Variants in KCNQ1 observed in about 807,000 individuals in gnomAD.
KCNQ1 encodes the protein potassium voltage-gated channel subfamily Q member 1.
In KCNQ1, 49 loss-of-function variants were observed where a neutral mutation model predicts 72.4. The observed-to-expected ratio is 0.68, with a 90% CI of 0.54 to 0.86. The LOEUF (loss-of-function observed/expected upper bound fraction) is 0.86. Among genes scored for constraint, KCNQ1 ranks in the 40% least tolerant of loss-of-function variants. KCNQ1 has a pLI of 0.00. For missense variants in KCNQ1, 790 were observed against 945.1 expected, an observed-to-expected ratio of 0.84 and a Z score of 2.15; for synonymous variants, 450 against 412.6, an observed-to-expected ratio of 1.09 and a Z score of -1.10.
At chr11:2,700,660 C>A (rs1191467172) in intron 11 of KCNQ1, among the ~76,000 whole-genome samples, 1 of 152,112 alleles carries the variant, frequency 6.6e-6, no homozygotes, top group Admixed American at 6.5e-5. Flanking sequence ...GACTTGGGAC[C>A]TCAGGGGGTG....
At chr11:2,758,609 A>G (rs1019786801) in intron 11 of KCNQ1, among the ~76,000 whole-genome samples, 5 of 152,356 alleles carry the variant, frequency 3.3e-5, no homozygotes, top group Middle Eastern at 3.4e-3. Flanking sequence ...CTAAATGAAA[A>G]TTTATAGAAG....
At chr11:2,774,861 C>T (rs1422405803) in intron 12 of KCNQ1, among the ~76,000 whole-genome samples, 2 of 152,164 alleles carry the variant, frequency 1.3e-5, no homozygotes, top group African/African-American at 2.4e-5. Flanking sequence ...GGGCCCTCAA[C>T]GGTACCTGAG....
rs1306745459 is a variant in KCNQ1, at chr11:2,509,367, C to A, written c.387-18561C>A. On this transcript the variant is annotated intron_variant, in intron 1 of 15. Transcript: ENST00000155840. The surrounding 1 kb of genome is among the most constrained non-coding windows in gnomAD (Gnocchi z 6.3). ...CAGCATCTCTGCACCCCTTGCCTGG[C>A]AAACCCCATCTTCCTGTCCAAAGCC... 6.6e-6 allele frequency among the ~76,000 whole-genome samples: 1 copy of A among 152,208 alleles called. No homozygotes were observed. The highest frequency in any genetic ancestry group is 2.4e-5 in the African/African-American group (1 of 41,446).
In KCNQ1 at chr11:2,661,552, G is replaced by A; in HGVS notation, c.1394-409G>A. The A allele has an allele frequency of 1.9e-6, 1 of 534,552 alleles. No homozygotes were observed. Among genetic ancestry groups the A allele is most frequent in the Non-Finnish European group, 3.3e-6 (1 of 301,916 alleles). The allele number at this position is 534,552 out of a possible 1,614,324, so 33.1% of individuals were successfully genotyped here. On this transcript the variant is annotated intron_variant, in intron 10 of 15. Transcript: ENST00000155840. This position sits in a 1 kb window ranked among gnomAD's most constrained non-coding sequence, Gnocchi z 5.9. ...TTTCCTGACCCACTACTCTGTCAAT[G>A]TATGAGTGTGACAATGTATGGTGGT...
Position 2,653,008 on chromosome 11 carries a change from A to G in KCNQ1, c.1394-8953A>G, listed in dbSNP as rs891428020. On this transcript the variant is annotated intron_variant, in intron 10 of 15. Coordinates refer to ENST00000155840, the MANE Select transcript of KCNQ1 (RefSeq NM_000218.3). This position sits in a 1 kb window ranked among gnomAD's most constrained non-coding sequence, Gnocchi z 5.3. ...CACATCACTGTCATGCTTGAGGCAA[A>G]TCTATTCTGCACACCTTTGATCCAA... 1 of 398,606 alleles carries G rather than the reference A, an allele frequency of 2.5e-6. No homozygotes were observed. The highest frequency in any genetic ancestry group is 4.4e-6 in the Non-Finnish European group (1 of 226,062). 24.7% of individuals were successfully genotyped at this position (398,606 alleles called of 1,614,324 possible). A position where few individuals can be genotyped will look rare whatever the true frequency, so the allele number is the denominator to read the frequency against.
At chr11:2,792,877 C>A (rs1847056848) in intron 15 of KCNQ1, among the ~76,000 whole-genome samples, 3 of 151,812 alleles carry the variant, frequency 2.0e-5, no homozygotes, top group South Asian at 4.1e-4. Flanking sequence ...GCACGCAGCC[C>A]CCTGCCCCTC....
In KCNQ1 at chr11:2,664,989, G is replaced by C. The variant is rs1388371413; in HGVS notation, c.1514+2908G>C. Reference sequence around the variant, plus strand: ...GGGAAGGTCCCTGGGGCTGGGCGAAGCTCCTCTTTCCGGGGCCTGTTAGCC... The same window carrying C: ...GGGAAGGTCCCTGGGGCTGGGCGAACCTCCTCTTTCCGGGGCCTGTTAGCC... On this transcript the variant is annotated intron_variant, in intron 11 of 15. Transcript: ENST00000155840. This position sits in a 1 kb window ranked among gnomAD's most constrained non-coding sequence, Gnocchi z 5.1. 2.5e-6 allele frequency: 1 copy of C among 398,698 alleles called. No homozygotes were observed. The highest frequency in any genetic ancestry group is 4.4e-6 in the Non-Finnish European group (1 of 226,156). The allele number at this position is 398,698 out of a possible 1,614,324, so 24.7% of individuals were successfully genotyped here.
At chr11:2,700,494 G>T (rs1358942331) in intron 11 of KCNQ1, among the ~76,000 whole-genome samples, 4 of 152,142 alleles carry the variant, frequency 2.6e-5, no homozygotes, top group Admixed American at 2.6e-4. Flanking sequence ...CGGCGCCGCT[G>T]CAGCGACCCT....
In KCNQ1 at chr11:2,565,722, G is replaced by A. The variant is rs190476881; in HGVS notation, c.478-4906G>A. On this transcript the variant is annotated intron_variant, in intron 2 of 15. Transcript: ENST00000155840. This position sits in a 1 kb window ranked among gnomAD's most constrained non-coding sequence, Gnocchi z 5.6. ...AGCATACAGTCGAACGAGTGGGTCC[G>A]ATGTGGAGTGCAGTGGCATCAGCCA... 1.3e-4 allele frequency among the ~76,000 whole-genome samples: 20 copies of A among 152,322 alleles called. No homozygotes were observed. In the East Asian group the frequency reaches 2.3e-3, roughly 18 times the overall value.
rs998618891 is a variant in KCNQ1, at chr11:2,818,988, G to C, written c.1795-28779G>C. Among the ~76,000 whole-genome samples the C allele has an allele frequency of 2.6e-5, 4 of 152,154 alleles. No individual in the cohort carries two copies. Among genetic ancestry groups the C allele is most frequent in the Admixed American group, 2.0e-4 (3 of 15,280 alleles). Reference sequence around the variant, plus strand: ...CCACAGGACCCACATCCTGCTCCCAGCTCCAGCCTGAAAGGAGCTAGTCCT... The same window carrying C: ...CCACAGGACCCACATCCTGCTCCCACCTCCAGCCTGAAAGGAGCTAGTCCT... On this transcript the variant is annotated intron_variant, in intron 15 of 15. Coordinates refer to ENST00000155840, the MANE Select transcript of KCNQ1 (RefSeq NM_000218.3). This position sits in a 1 kb window ranked among gnomAD's most constrained non-coding sequence, Gnocchi z 7.2.
chr11:2,585,921 C>T (rs1308752991), intron 8 of KCNQ1, among the ~76,000 whole-genome samples: 2 of 152,200 alleles, frequency 1.3e-5, no homozygotes, highest in Non-Finnish European at 2.9e-5. Context: ...CTGGCTCTGT[C>T]ACTCCAGGCT....
At position 2,593,978 on chromosome 11, in the gene KCNQ1, C is replaced by T. The variant is rs1237336181; in HGVS notation, c.1393+5124C>T. Among the ~76,000 whole-genome samples, 2 of 152,176 alleles carry T rather than the reference C, an allele frequency of 1.3e-5. No homozygotes were observed. Among genetic ancestry groups the T allele is most frequent in the African/African-American group, 4.8e-5 (2 of 41,444 alleles). ...TACTGCCTCCTGCCGTTTCCTGGGC[C>T]TTTGTTGCCCAGTATTTTGGTTTTG... On this transcript the variant is annotated intron_variant, in intron 10 of 15. Transcript: ENST00000155840. The surrounding 1 kb of genome is among the most constrained non-coding windows in gnomAD (Gnocchi z 6.9).
Position 2,663,268 on chromosome 11 carries a change from C to T in KCNQ1, c.1514+1187C>T, listed in dbSNP as rs1334397907. On this transcript the variant is annotated intron_variant, in intron 11 of 15. Transcript: ENST00000155840. The surrounding 1 kb of genome is among the most constrained non-coding windows in gnomAD (Gnocchi z 5.2). ...AAGCAGGGGTGACTAGTCATGGACA[C>T]CCTGAGAATAGGGCTCTGAGCTTCT... The T allele has an allele frequency of 2.5e-6, 1 of 398,540 alleles. No homozygotes were observed. Among genetic ancestry groups the T allele is most frequent in the Non-Finnish European group, 4.4e-6 (1 of 226,150 alleles). 24.7% of individuals were successfully genotyped at this position (398,540 alleles called of 1,614,324 possible).
chr11:2,844,512 A>G (rs545634703), intron 15 of KCNQ1, among the ~76,000 whole-genome samples: 1 of 152,318 alleles, frequency 6.6e-6, no homozygotes, highest in East Asian at 1.9e-4. Context: ...GGAGCCCTTC[A>G]GTGTCCGTCG....
At chr11:2,456,509 A>C (rs1846192156) in intron 1 of KCNQ1, among the ~76,000 whole-genome samples, 1 of 152,198 alleles carries the variant, frequency 6.6e-6, no homozygotes, top group Admixed American at 6.5e-5. Context: ...CCAAGGGAAT[A>C]AACAGATAAC....
Position 2,768,917 on chromosome 11 carries a change from C to T in KCNQ1, c.1588C>T (p.Gln530Ter), listed in dbSNP as rs397508097. 55 of 1,613,094 alleles carry T rather than the reference C, an allele frequency of 3.4e-5. No individual in the cohort carries two copies. The highest frequency in any genetic ancestry group is 4.5e-5 in the Non-Finnish European group (53 of 1,179,328). ...GTACTTTGTGGCCAAGAAGAAATTC[C>T]AGGTAAGCCCTGTGCTGAGCCTTCC... ...MQYFVAKKKF[Q>*]QARKPYDVRD... The change falls in exon 12 of 16, where the codon CAG becomes TAG. Residue 530 changes from glutamine (Q) to a stop codon, truncating the protein, a stop_gained and splice_region_variant. Transcript: ENST00000155840. LOFTEE classifies it high-confidence loss of function. This position sits in a 1 kb window ranked among gnomAD's most constrained non-coding sequence, Gnocchi z 6.7.
intron 2 of KCNQ1, among the ~76,000 whole-genome samples, chr11:2,558,153 G>A (rs188081602): frequency 6.6e-6 from 1 of 152,250 alleles, no homozygotes; most frequent in African/African-American, 2.4e-5. Context: ...CCCGCTGCCT[G>A]CCCCAGCCCC....
In KCNQ1 at chr11:2,651,442, T is replaced by G. The variant is rs1849755260; in HGVS notation, c.1394-10519T>G. The G allele has an allele frequency of 2.5e-6, 1 of 398,732 alleles. No individual in the cohort carries two copies. Among genetic ancestry groups the G allele is most frequent in the Non-Finnish European group, 4.4e-6 (1 of 226,140 alleles). The allele number at this position is 398,732 out of a possible 1,614,324, so 24.7% of individuals were successfully genotyped here. ...CCCTGTGTGCAGCTCAGCAAGTGCC[T>G]GAAGTCAGAGGTAGTGCTTATGAAA... On this transcript the variant is annotated intron_variant, in intron 10 of 15. Transcript: ENST00000155840. This position sits in a 1 kb window ranked among gnomAD's most constrained non-coding sequence, Gnocchi z 6.1.
At chr11:2,675,415 A>C in intron 11 of KCNQ1, 1 of 398,676 alleles carries the variant, frequency 2.5e-6, no homozygotes, top group Non-Finnish European at 4.4e-6. Context: ...ATTGAAAAAT[A>C]TATTGTCATT....
Sources: gnomAD v4.1 joint callset for allele counts (sites outside exome capture counted in the v4.1 genomes callset) on GRCh38, gnomAD v4.1.1 for gene constraint, Gnocchi (gnomAD v3.1) non-coding constraint, MANE v1.5 for transcripts, NCBI Gene and HGNC (gene_info 2026-07-23, HGNC 2026-07-21) for gene names.